Variants in NR5A1 observed in about 807,000 individuals in gnomAD.
The protein encoded by NR5A1 is steroidogenic factor 1.
A neutral mutation model predicts 42.7 loss-of-function variants in NR5A1; 6 were observed. The ratio of observed to expected loss-of-function variants is 0.14; its 90% CI spans 0.08 to 0.28. The LOEUF (loss-of-function observed/expected upper bound fraction) is 0.28, where lower values mean the gene tolerates loss of function less well. Ranked by LOEUF, NR5A1 falls within the 10% of genes least tolerant of loss-of-function variation. The pLI, the probability that NR5A1 is intolerant of heterozygous loss-of-function variation, is 1.00. For synonymous variants in NR5A1, 274 were observed against 277.5 expected, an observed-to-expected ratio of 0.99 and a Z score of 0.12; for missense variants, 442 against 626.4, an observed-to-expected ratio of 0.71 and a Z score of 3.14.
intron 6 of NR5A1, among the ~76,000 whole-genome samples, chr9:124,489,554 C>T (rs1029426634): frequency 4.6e-5 from 7 of 152,252 alleles, no homozygotes; most frequent in African/African-American, 1.7e-4. Flanking sequence ...GCCCCAACCA[C>T]ACAGACCCCC....
chr9:124,487,298 T>C (rs1832228793), intron 6 of NR5A1, among the ~76,000 whole-genome samples: 2 of 152,176 alleles, frequency 1.3e-5, no homozygotes, highest in South Asian at 2.1e-4. Flanking sequence ...CCGCGCACAA[T>C]GGCCCCTCGA....
chr9:124,488,326 C>T (rs1443712045), intron 6 of NR5A1, among the ~76,000 whole-genome samples: 1 of 152,102 alleles, frequency 6.6e-6, no homozygotes, highest in South Asian at 2.1e-4. Context: ...GCCTCTGCAG[C>T]CCCCTACATC....
rs1184615484 is a variant in NR5A1, at chr9:124,498,854, C to T, written c.870+1236G>A. On this transcript the variant is annotated intron_variant, in intron 4 of 6. Transcript: ENST00000373588. This position sits in a 1 kb window ranked among gnomAD's most constrained non-coding sequence, Gnocchi z 4.6. ...GCCACCACCATCAATCCTCGACTCC[C>T]AGATGGCCCAGGCCCCAGTCCCGCG... Among the ~76,000 whole-genome samples, 3 of 152,242 alleles carry T rather than the reference C, an allele frequency of 2.0e-5. No homozygotes were observed. In the East Asian group the frequency reaches 5.8e-4, roughly 29 times the overall value.
chr9:124,499,665 A>C (rs1832436611), intron 4 of NR5A1, among the ~76,000 whole-genome samples: 1 of 152,180 alleles, frequency 6.6e-6, no homozygotes, highest in Non-Finnish European at 1.5e-5. Flanking sequence ...GAGGCAAGAC[A>C]GTCTCCCAAG....
At chr9:124,506,430 G>A (rs929572957) in intron 1 of NR5A1, among the ~76,000 whole-genome samples, 1 of 152,126 alleles carries the variant, frequency 6.6e-6, no homozygotes, top group Non-Finnish European at 1.5e-5. Context: ...GGTCACTGCC[G>A]CCTCTGAACA....
At chr9:124,488,611 C>A (rs181113798) in intron 6 of NR5A1, among the ~76,000 whole-genome samples, 2 of 152,358 alleles carry the variant, frequency 1.3e-5, no homozygotes, top group East Asian at 3.9e-4. Context: ...ACAATTCCGA[C>A]ACACACTTCC....
chr9:124,483,001 C>A lies in NR5A1; in HGVS notation c.1143G>T (p.Leu381Phe). ...CCAGGATGTGGTTATTCAGGAACTT[C>A]AAATCTGCAAAGGGAGGTTCTCGGT... The part of the protein sequence containing the change: ...LKFIILFSLD[L>F]KFLNNHILVK... The change falls in exon 7 of 7, where the codon TTG becomes TTT. Residue 381 changes from leucine to phenylalanine, a missense_variant. Physicochemically the swap from Leu to Phe is conservative, Grantham distance 22. This residue lies in a region of NR5A1 where 163 missense variants were observed against 265.8 expected (regional missense o/e 0.61). Coordinates refer to ENST00000373588, the MANE Select transcript of NR5A1 (RefSeq NM_004959.5). 2 of 1,614,056 alleles carry A rather than the reference C, an allele frequency of 1.2e-6. No individual in the cohort carries two copies. The highest frequency in any genetic ancestry group is 1.3e-5 in the African/African-American group (1 of 75,024).
In NR5A1 at chr9:124,500,774, C is replaced by T; in HGVS notation, c.245-59G>A. The T allele has an allele frequency of 6.2e-7, 1 of 1,610,658 alleles. No individual in the cohort carries two copies. Among genetic ancestry groups the T allele is most frequent in the South Asian group, 1.1e-5 (1 of 91,044 alleles). On this transcript the variant is annotated intron_variant, in intron 3 of 6. Transcript: ENST00000373588. The surrounding 1 kb of genome is among the most constrained non-coding windows in gnomAD (Gnocchi z 6.9). ...CTCTAAGCCCCCTTCCATGCTGCCCCACCACAGATCCTTTCCAAACAAATC... is the reference window on the plus strand; with the variant it reads ...CTCTAAGCCCCCTTCCATGCTGCCCTACCACAGATCCTTTCCAAACAAATC...
At chr9:124,483,080 CATCACCAAT>C in intron 6 of NR5A1, 75 bp from the exon 7 acceptor site, 1 of 1,605,606 alleles carries the variant, frequency 6.2e-7, no homozygotes, top group Non-Finnish European at 8.5e-7. Flanking sequence ...CCGTCACCAG[CATCACCAAT>C]ACCACCTTCC....
intron 6 of NR5A1, among the ~76,000 whole-genome samples, chr9:124,486,266 T>C (rs1289310889): frequency 6.6e-6 from 1 of 152,140 alleles, no homozygotes; most frequent in Non-Finnish European, 1.5e-5. Context: ...GGAGCCTCAG[T>C]GGCTACAGTC....
At chr9:124,494,874 T>C (rs906793254) in intron 4 of NR5A1, among the ~76,000 whole-genome samples, 6 of 152,144 alleles carry the variant, frequency 3.9e-5, no homozygotes, top group African/African-American at 1.4e-4. Flanking sequence ...GCTCCCCACC[T>C]AGGGGCGGCC....
Position 124,498,118 on chromosome 9 carries a change from C to T in NR5A1, c.870+1972G>A, listed in dbSNP as rs1832413622. Among the ~76,000 whole-genome samples, 1 of 152,194 alleles carries T rather than the reference C, an allele frequency of 6.6e-6. No individual in the cohort carries two copies. The highest frequency in any genetic ancestry group is 1.5e-5 in the Non-Finnish European group (1 of 68,032). On this transcript the variant is annotated intron_variant, in intron 4 of 6. Coordinates refer to ENST00000373588, the MANE Select transcript of NR5A1 (RefSeq NM_004959.5). The surrounding 1 kb of genome is among the most constrained non-coding windows in gnomAD (Gnocchi z 4.6). Reference sequence around the variant, plus strand: ...CCTCTTCTGTCTGCTAAGATGTGTCCTGTCTGGAGGTGGGGAAATGAATGA... The same window carrying T: ...CCTCTTCTGTCTGCTAAGATGTGTCTTGTCTGGAGGTGGGGAAATGAATGA...
At chr9:124,504,869 C>G (rs906429540) in intron 1 of NR5A1, among the ~76,000 whole-genome samples, 1 of 140,800 alleles carries the variant, frequency 7.1e-6, no homozygotes, top group Non-Finnish European at 1.6e-5. Flanking sequence ...CGGCTCCCCC[C>G]TCCCGCCTCC....
chr9:124,501,588 TG>T lies in NR5A1; in HGVS notation c.245-874del, dbSNP rs1832471971. Among the ~76,000 whole-genome samples the T allele has an allele frequency of 6.6e-6, 1 of 152,104 alleles. No individual in the cohort carries two copies. The highest frequency in any genetic ancestry group is 2.4e-5 in the African/African-American group (1 of 41,422). ...GGTGGTGCTCAGCAGGGATGATGGCTGGGGGGCTGCCTGGCCAATCTTCCTG... is the reference window on the plus strand; with the variant it reads ...GGTGGTGCTCAGCAGGGATGATGGCTGGGGGCTGCCTGGCCAATCTTCCTG... On this transcript the variant is annotated intron_variant, in intron 3 of 6. Transcript: ENST00000373588. The surrounding 1 kb of genome is among the most constrained non-coding windows in gnomAD (Gnocchi z 4.1).
intron 6 of NR5A1, among the ~76,000 whole-genome samples, chr9:124,484,936 T>A (rs932303089): frequency 6.6e-6 from 1 of 152,122 alleles, no homozygotes; most frequent in Non-Finnish European, 1.5e-5. Flanking sequence ...AACTGATGTG[T>A]CCGCCACACC....
intron 3 of NR5A1, among the ~76,000 whole-genome samples, chr9:124,502,796 C>T (rs1434916078): frequency 6.6e-6 from 1 of 152,180 alleles, no homozygotes; most frequent in African/African-American, 2.4e-5. Context: ...CTCTGCCGAC[C>T]CTGTGCTGGG....
chr9:124,482,708 G>GAC lies in NR5A1; in HGVS notation c.*49_*50insGT. 5.4e-6 allele frequency: 3 copies of GAC among 558,002 alleles called. No individual in the cohort carries two copies. The highest frequency in any genetic ancestry group is 3.4e-5 in the South Asian group (2 of 58,724). 34.6% of individuals were successfully genotyped at this position (558,002 alleles called of 1,614,324 possible). A position where few individuals can be genotyped will look rare whatever the true frequency, so the allele number is the denominator to read the frequency against. ...GCGGTGTGGCTGCGGCCCCGCCCAG[G>GAC]CCCCGCCCCCAGTCCCGCCCCCAGT... On this transcript the variant is annotated 3_prime_UTR_variant, in exon 7 of 7. Transcript: ENST00000373588.
rs576464381 is a variant in NR5A1 at position 124,497,511 on chromosome 9, C to CA, written c.870+2578dup. Among the ~76,000 whole-genome samples the CA allele has an allele frequency of 3.2e-4, 48 of 152,322 alleles. 1 individual carries two copies. Among genetic ancestry groups the CA allele is most frequent in the South Asian group, 2.1e-3 (10 of 4,814 alleles). ...GGCATTTGGAGCTCAGCATCGGACA[C>CA]AACTGGGCCCCTGGCACCCCTGAGA... On this transcript the variant is annotated intron_variant, in intron 4 of 6. Transcript: ENST00000373588.
rs1055531804 is a variant in NR5A1 at position 124,498,552 on chromosome 9, T to C, written c.870+1538A>G. On this transcript the variant is annotated intron_variant, in intron 4 of 6. Transcript: ENST00000373588. This position sits in a 1 kb window ranked among gnomAD's most constrained non-coding sequence, Gnocchi z 4.6. Reference sequence around the variant, plus strand: ...TTCTGGAAGGCCGGGAATGCCCTGCTCCTCCTCCCCTCTGCACGGGGGGTG... The same window carrying C: ...TTCTGGAAGGCCGGGAATGCCCTGCCCCTCCTCCCCTCTGCACGGGGGGTG... 3.3e-5 allele frequency among the ~76,000 whole-genome samples: 5 copies of C among 152,114 alleles called. No individual in the cohort carries two copies. Among genetic ancestry groups the C allele is most frequent in the Admixed American group, 6.5e-5 (1 of 15,282 alleles).
Sources: gnomAD v4.1 joint callset for allele counts (sites outside exome capture counted in the v4.1 genomes callset) on GRCh38, gnomAD v4.1.1 for gene constraint, gnomAD v4.1.1 regional missense constraint, Gnocchi (gnomAD v3.1) non-coding constraint, MANE v1.5 for transcripts, NCBI Gene and HGNC (gene_info 2026-07-23, HGNC 2026-07-21) for gene names.